The following PRKCZ variants were observed in gnomAD, a reference collection of about 807,000 sequenced individuals.
PRKCZ encodes protein kinase C zeta.
In PRKCZ, 33 loss-of-function variants were observed where a neutral mutation model predicts 79.5. The ratio of observed to expected loss-of-function variants is 0.41; its 90% CI spans 0.31 to 0.55. The LOEUF (loss-of-function observed/expected upper bound fraction) is 0.55, where lower values mean the gene tolerates loss of function less well. PRKCZ is among the 20% of genes least tolerant of loss of function. The pLI is 0.19. For missense variants in PRKCZ, 578 were observed against 813.5 expected (o/e 0.71, Z 3.52); for synonymous variants, 342 against 320.9 (o/e 1.07, Z -0.70).
chr1:2,181,957 C>T (rs755465694), intron 16 of PRKCZ: 9 of 429,416 alleles, frequency 2.1e-5, no homozygotes, highest in South Asian at 8.2e-5. Context: ...CCCCTCCCTC[C>T]GGCTCCTCCC....
intron 3 of PRKCZ, 97 bp downstream of exon 3, chr1:2,056,670 TATG>T: frequency 6.3e-6 from 7 of 1,109,132 alleles, no homozygotes; most frequent in Non-Finnish European, 9.0e-6. Flanking sequence ...TTTAAAATCC[TATG>T]ATGCCAGAGA....
At chr1:2,171,990 G>A in intron 11 of PRKCZ, 65 bp from the exon 12 acceptor site, 1 of 1,530,872 alleles carries the variant, frequency 6.5e-7, no homozygotes, top group Non-Finnish European at 8.8e-7. Flanking sequence ...GTGGCCCCCA[G>A]GCTGGAGCTG....
intron 4 of PRKCZ, among the ~76,000 whole-genome samples, chr1:2,114,400 CA>C (rs1670333190): frequency 2.0e-5 from 3 of 152,176 alleles, no homozygotes. Flanking sequence ...AAACAAGTCA[CA>C]AAAATAATCA....
chr1:2,169,795 G>A (rs1465818658), intron 11 of PRKCZ, among the ~76,000 whole-genome samples, 191 bp downstream of exon 11: 1 of 138,528 alleles, frequency 7.2e-6, no homozygotes, highest in Non-Finnish European at 1.6e-5. Context: ...GTATGACGGG[G>A]GCGGGGGGGG....
At chr1:2,065,009 T>G (rs958484905) in intron 4 of PRKCZ, among the ~76,000 whole-genome samples, 1 of 152,240 alleles carries the variant, frequency 6.6e-6, no homozygotes, top group Non-Finnish European at 1.5e-5. Context: ...TTGTTTATGT[T>G]TTCTTTGATT....
intron 4 of PRKCZ, chr1:2,134,024 C>G (rs937963691): frequency 1.2e-4 from 18 of 152,272 alleles, no homozygotes; most frequent in African/African-American, 4.1e-4. Context: ...GGAGGGGGCA[C>G]AGGCTGCACG....
At chr1:2,153,650 A>G (rs1225498180) in intron 9 of PRKCZ, among the ~76,000 whole-genome samples, 6 of 152,182 alleles carry the variant, frequency 3.9e-5, no homozygotes, top group African/African-American at 1.2e-4. Flanking sequence ...GCACAGGAGG[A>G]TTCCAGCCCC....
rs190518040 is a variant in PRKCZ at position 2,179,725 on chromosome 1, C to T, written c.1575+4412C>T. ...GCCTCAGGGCCAGGAGTGGTTTGCT[C>T]CTCCCACCCCGGGCCCAGGGCTGCT... On this transcript the variant is annotated intron_variant, in intron 16 of 17. Coordinates refer to ENST00000378567, the MANE Select transcript of PRKCZ (RefSeq NM_002744.6). 2.1e-3 allele frequency among the ~76,000 whole-genome samples: 325 copies of T among 152,294 alleles called. 1 individual carries two copies. Among genetic ancestry groups the T allele is most frequent in the South Asian group, 6.8e-3 (33 of 4,828 alleles).
At chr1:2,176,379 G>C (rs566233600) in intron 16 of PRKCZ, among the ~76,000 whole-genome samples, 1 of 152,110 alleles carries the variant, frequency 6.6e-6, no homozygotes, top group Admixed American at 6.5e-5. Flanking sequence ...CTCCACCCAG[G>C]ATGTTTCCAG....
chr1:2,155,334 G>T (rs1680769745), intron 9 of PRKCZ, among the ~76,000 whole-genome samples: 1 of 151,624 alleles, frequency 6.6e-6, no homozygotes, highest in Non-Finnish European at 1.5e-5. Context: ...GATGGTAGTG[G>T]TGATGACAAT....
intron 4 of PRKCZ, among the ~76,000 whole-genome samples, chr1:2,109,258 C>G (rs188137558): frequency 6.6e-6 from 1 of 152,322 alleles, no homozygotes; most frequent in Admixed American, 6.5e-5. Context: ...GGTTTCTGTC[C>G]TCTGCTGGAA....
chr1:2,135,137 C>T (rs777882224), intron 4 of PRKCZ, 125 bp from the exon 5 acceptor site: 120 of 748,984 alleles, frequency 1.6e-4, no homozygotes, highest in Non-Finnish European at 2.5e-4. Flanking sequence ...CCAGCCCTGC[C>T]TTCCCTGCCT....
At chr1:2,138,265 G>T (rs1032255883) in intron 5 of PRKCZ, among the ~76,000 whole-genome samples, 4 of 152,324 alleles carry the variant, frequency 2.6e-5, no homozygotes, top group African/African-American at 9.6e-5. Flanking sequence ...GTGGGCATCC[G>T]TCGCTGGGGA....
At chr1:2,126,255 T>A (rs1239939638) in intron 4 of PRKCZ, among the ~76,000 whole-genome samples, 1 of 152,170 alleles carries the variant, frequency 6.6e-6, no homozygotes, top group African/African-American at 2.4e-5. Flanking sequence ...TTTTAAATTT[T>A]CAGCTCAAAA....
intron 10 of PRKCZ, 186 bp downstream of exon 10, chr1:2,156,278 G>A: frequency 1.8e-6 from 1 of 543,824 alleles, no homozygotes; most frequent in Non-Finnish European, 3.3e-6. Context: ...TACATTTCAT[G>A]ATCTGAAGTT....
At chr1:2,108,320 T>G (rs1294909511) in intron 4 of PRKCZ, among the ~76,000 whole-genome samples, 2 of 152,248 alleles carry the variant, frequency 1.3e-5, no homozygotes, top group Non-Finnish European at 2.9e-5. Context: ...CTGCCTGGCC[T>G]TCTCCATGCT....
chr1:2,121,678 T>C lies in PRKCZ; in HGVS notation c.335-13584T>C, dbSNP rs1672038744. ...GTGGTGGTTAGGGTCGTGGTGGTGGTTAGGGTCACGGTGGTGGTTAGGGTC... is the reference window on the plus strand; with the variant it reads ...GTGGTGGTTAGGGTCGTGGTGGTGGCTAGGGTCACGGTGGTGGTTAGGGTC... On this transcript the variant is annotated intron_variant, in intron 4 of 17. Transcript: ENST00000378567. 2.6e-4 allele frequency among the ~76,000 whole-genome samples: 24 copies of C among 93,152 alleles called. 5 individuals are homozygous for C. Among genetic ancestry groups the C allele is most frequent in the African/African-American group, 1.1e-3 (21 of 19,366 alleles). 61.1% of individuals were successfully genotyped at this position (93,152 alleles called of 152,430 possible).
intron 4 of PRKCZ, among the ~76,000 whole-genome samples, chr1:2,105,657 C>A (rs1019441786): frequency 1.3e-5 from 2 of 152,234 alleles, no homozygotes; most frequent in Admixed American, 1.3e-4. Flanking sequence ...ACCTCAGCCT[C>A]CCAAAGTGCT....
At chr1:2,126,427 C>A (rs1316777426) in intron 4 of PRKCZ, among the ~76,000 whole-genome samples, 1 of 152,030 alleles carries the variant, frequency 6.6e-6, no homozygotes, top group Admixed American at 6.5e-5. Flanking sequence ...GTGGGTGCTG[C>A]TGGTGGGTAA....
Sources: allele counts gnomAD v4.1 joint callset (sites outside exome capture counted in the v4.1 genomes callset), GRCh38; gene constraint gnomAD v4.1.1; transcripts MANE v1.5; gene names NCBI Gene and HGNC (gene_info 2026-07-23, HGNC 2026-07-21).